The following PIBF1 variants were observed in gnomAD, a reference collection of about 807,000 sequenced individuals.
The protein encoded by PIBF1 is progesterone-induced-blocking factor 1.
PIBF1 carries 90 observed loss-of-function variants against 112.5 expected under a neutral mutation model. That is an observed-to-expected ratio of 0.80 (90% confidence interval 0.67 to 0.95). PIBF1 has a LOEUF of 0.95. PIBF1 is among the 40% of genes least tolerant of loss of function. The pLI is 0.00. For missense variants in PIBF1, 915 were observed against 852.3 expected, an observed-to-expected ratio of 1.07 and a Z score of -0.92; for synonymous variants, 301 against 288.6, an observed-to-expected ratio of 1.04 and a Z score of -0.44.
chr13:72,869,167 G>A (rs1295822133), intron 10 of PIBF1, among the ~76,000 whole-genome samples: 3 of 152,110 alleles, frequency 2.0e-5, no homozygotes, highest in Non-Finnish European at 2.9e-5. Flanking sequence ...ACATGCACAC[G>A]TATGTTTATC....
At chr13:72,820,862 T>C (rs1170927515) in intron 5 of PIBF1, among the ~76,000 whole-genome samples, 1 of 152,204 alleles carries the variant, frequency 6.6e-6, no homozygotes, top group Non-Finnish European at 1.5e-5. Flanking sequence ...TCCCGTCTGC[T>C]TCCCCTCCCA....
chr13:72,958,956 C>T (rs1402116682), intron 14 of PIBF1, among the ~76,000 whole-genome samples: 3 of 152,050 alleles, frequency 2.0e-5, no homozygotes, highest in Non-Finnish European at 4.4e-5. Flanking sequence ...CTGGGGCCCA[C>T]CAGAATCACT....
chr13:72,870,343 A>G (rs1776207732), intron 10 of PIBF1, among the ~76,000 whole-genome samples: 2 of 152,154 alleles, frequency 1.3e-5, no homozygotes, highest in African/African-American at 4.8e-5. Context: ...TGAACTCAGC[A>G]CTTTACTGAG....
intron 13 of PIBF1, among the ~76,000 whole-genome samples, chr13:72,928,542 C>T (rs1382210402): frequency 1.3e-5 from 2 of 152,132 alleles, no homozygotes; most frequent in African/African-American, 2.4e-5. Context: ...CAGGTTCAAG[C>T]GATTCTCCTG....
chr13:72,845,865 G>A (rs1284384093), intron 9 of PIBF1, among the ~76,000 whole-genome samples: 1 of 152,094 alleles, frequency 6.6e-6, no homozygotes, highest in Non-Finnish European at 1.5e-5. Context: ...CTCCAACAAA[G>A]ATGTTTTTAT....
intron 10 of PIBF1, among the ~76,000 whole-genome samples, chr13:72,887,924 GAATAC>G: frequency 6.6e-6 from 1 of 152,186 alleles, no homozygotes; most frequent in East Asian, 1.9e-4. Context: ...ACACAAATAA[GAATAC>G]CCTCCACCAA....
chr13:72,843,804 G>A (rs1177615081), intron 9 of PIBF1, among the ~76,000 whole-genome samples: 1 of 152,156 alleles, frequency 6.6e-6, no homozygotes, highest in Non-Finnish European at 1.5e-5. Flanking sequence ...ATGTTTCTCT[G>A]CTGTGCCCCA....
At chr13:72,954,548 C>A (rs2042388231) in intron 14 of PIBF1, among the ~76,000 whole-genome samples, 1 of 152,228 alleles carries the variant, frequency 6.6e-6, no homozygotes, top group Admixed American at 6.5e-5. Flanking sequence ...GCGTGCAAAG[C>A]ACATCCTGAT....
intron 10 of PIBF1, 42 bp downstream of exon 10, chr13:72,854,197 T>C: frequency 8.2e-7 from 1 of 1,225,848 alleles, no homozygotes; most frequent in Non-Finnish European, 1.2e-6. Context: ...TCTTCCATTA[T>C]TGTTTCTGTT....
At chr13:72,915,517 A>C (rs1466361992) in intron 12 of PIBF1, among the ~76,000 whole-genome samples, 1 of 152,184 alleles carries the variant, frequency 6.6e-6, no homozygotes, top group Non-Finnish European at 1.5e-5. Context: ...TTAATATCTA[A>C]CTTATGGGTT....
chr13:72,973,847 A>C (rs1018057975), intron 16 of PIBF1, 172 bp downstream of exon 16: 4 of 517,656 alleles, frequency 7.7e-6, no homozygotes, highest in Non-Finnish European at 1.4e-5. Flanking sequence ...TCTTAGAGTT[A>C]ATTCTTATTC....
chr13:72,807,954 T>G (rs1355326452), intron 5 of PIBF1, among the ~76,000 whole-genome samples: 1 of 152,240 alleles, frequency 6.6e-6, no homozygotes, highest in Non-Finnish European at 1.5e-5. Context: ...CATCTGCCAG[T>G]CACATTTAAT....
At chr13:72,969,442 C>T (rs942873529) in intron 15 of PIBF1, among the ~76,000 whole-genome samples, 1 of 152,122 alleles carries the variant, frequency 6.6e-6, no homozygotes, top group African/African-American at 2.4e-5. Context: ...ACTGATAATT[C>T]ACAGGATATG....
At chr13:72,969,792 G>A (rs2042842204) in intron 15 of PIBF1, 1 of 152,156 alleles carries the variant, frequency 6.6e-6, no homozygotes, top group South Asian at 2.1e-4. Context: ...ATATGAACCC[G>A]AAGGGGTAGT....
At chr13:72,838,456 G>A (rs533060072) in intron 9 of PIBF1, among the ~76,000 whole-genome samples, 1 of 152,266 alleles carries the variant, frequency 6.6e-6, no homozygotes, top group South Asian at 2.1e-4. Context: ...ATTGAGCAAT[G>A]AACAATTCGC....
chr13:72,818,678 CTTTTT>C (rs3077726), intron 5 of PIBF1, among the ~76,000 whole-genome samples: 32 of 80,372 alleles, frequency 4.0e-4, no homozygotes, highest in African/African-American at 1.3e-3. Flanking sequence ...CAGTCTTAAA[CTTTTT>C]TTTTTTTTTT....
chr13:73,000,718 G>A (rs1171495344), intron 17 of PIBF1, among the ~76,000 whole-genome samples: 1 of 152,164 alleles, frequency 6.6e-6, no homozygotes, highest in Admixed American at 6.5e-5. Flanking sequence ...CCAGGCAGTG[G>A]CACTATTCCT....
intron 10 of PIBF1, among the ~76,000 whole-genome samples, chr13:72,882,961 G>C (rs1463199757): frequency 4.6e-5 from 7 of 152,110 alleles, no homozygotes; most frequent in Non-Finnish European, 1.0e-4. Context: ...TGGATCATAT[G>C]GTAGCTCTAT....
chr13:72,804,724 C>A (rs1194516923), intron 5 of PIBF1, among the ~76,000 whole-genome samples: 1 of 152,158 alleles, frequency 6.6e-6, no homozygotes, highest in Non-Finnish European at 1.5e-5. Context: ...TTAAAATACT[C>A]AGTATGCCAG....
Sources: gnomAD v4.1 joint callset for allele counts (sites outside exome capture counted in the v4.1 genomes callset) on GRCh38, gnomAD v4.1.1 for gene constraint, MANE v1.5 for transcripts, NCBI Gene and HGNC (gene_info 2026-07-23, HGNC 2026-07-21) for gene names.